The following AK7 variants were observed in gnomAD, a reference collection of about 807,000 sequenced individuals.
AK7 encodes the protein adenylate kinase 7, also known as ATP-AMP transphosphorylase 7.
A neutral mutation model predicts 96.6 loss-of-function variants in AK7; 78 were observed. The ratio of observed to expected loss-of-function variants is 0.81; its 90% CI spans 0.67 to 0.97. The LOEUF is 0.97. Ranked by LOEUF, AK7 falls within the 50% of genes least tolerant of loss-of-function variation. The pLI, the probability that AK7 is intolerant of heterozygous loss-of-function variation, is 0.00. For synonymous variants in AK7, 302 were observed against 317.2 expected (o/e 0.95, Z 0.51); for missense variants, 855 against 887.9 (o/e 0.96, Z 0.47).
rs996305684 is a variant in AK7, at chr14:96,432,181, T to C, written c.610-5654T>C. 1.6e-4 allele frequency among the ~76,000 whole-genome samples: 23 copies of C among 148,138 alleles called. 1 individual carries two copies. Among genetic ancestry groups the C allele is most frequent in the Non-Finnish European group, 6.0e-5 (4 of 67,076 alleles). On this transcript the variant is annotated intron_variant, in intron 5 of 17. Coordinates refer to ENST00000267584, the MANE Select transcript of AK7 (RefSeq NM_152327.5). The stretch of plus-strand genomic sequence containing the variant: ...GTGATGAGAGAGGTAATCCTCTCTC[T>C]CCCCAGGATTGCAACCCCTGCTTTT...
intron 5 of AK7, among the ~76,000 whole-genome samples, chr14:96,426,204 C>T (rs1312067004): frequency 6.6e-6 from 1 of 152,108 alleles, no homozygotes; most frequent in Non-Finnish European, 1.5e-5. Flanking sequence ...TTTGAGGTTA[C>T]AATAAGGCTT....
rs544723971 is a variant in AK7 at position 96,424,188 on chromosome 14, C to T, written c.609+3256C>T. The T allele has an allele frequency of 5.1e-6, 3 of 585,606 alleles. No individual in the cohort carries two copies. In the East Asian group the frequency reaches 1.2e-4, roughly 24 times the overall value. The allele number at this position is 585,606 out of a possible 1,614,324, so 36.3% of individuals were successfully genotyped here. On this transcript the variant is annotated intron_variant, in intron 5 of 17. Coordinates refer to ENST00000267584, the MANE Select transcript of AK7 (RefSeq NM_152327.5). ...GTCCACTTCCTGAAGGCTCCAGGGC[C>T]CGGACCGCTGTCTGAGGTTCACCCG...
intron 12 of AK7, 143 bp from the exon 13 acceptor site, chr14:96,471,335 A>T: frequency 7.8e-5 from 15 of 192,916 alleles, no homozygotes; most frequent in South Asian, 1.6e-4. Flanking sequence ...CGTCTCTTTA[A>T]AAAAAAAAAA....
intron 12 of AK7, among the ~76,000 whole-genome samples, chr14:96,469,249 G>A (rs1894749333): frequency 2.0e-5 from 3 of 152,144 alleles, no homozygotes; most frequent in Admixed American, 1.3e-4. Flanking sequence ...GGCCGGGGGC[G>A]GCGGCTCATT....
At chr14:96,472,950 C>T (rs546114783) in intron 14 of AK7, among the ~76,000 whole-genome samples, 195 bp downstream of exon 14, 5 of 152,050 alleles carry the variant, frequency 3.3e-5, no homozygotes, top group South Asian at 2.1e-4. Context: ...GGTGTCGTAG[C>T]GTGTGCCTGT....
chr14:96,446,199 C>T (rs1480059038), intron 7 of AK7, among the ~76,000 whole-genome samples: 4 of 152,164 alleles, frequency 2.6e-5, no homozygotes, highest in Non-Finnish European at 5.9e-5. Context: ...CTGCTGGGGG[C>T]AGTTCCCCTT....
At position 96,404,794 on chromosome 14, in the gene AK7, AGTGT is replaced by A. The variant is rs768722648; in HGVS notation, c.334_337del (p.Cys112MetfsTer43). ...GAAGACCTTCTCATGCGCCTGCTGG[AGTGT>A]GATGTTATTATTTATAACATCACTG... On this transcript the variant is annotated frameshift_variant, in exon 3 of 18. Transcript: ENST00000267584. LOFTEE classifies it high-confidence loss of function. 3 of 1,610,702 alleles carry A rather than the reference AGTGT, an allele frequency of 1.9e-6. No homozygotes were observed. In the Admixed American group the frequency reaches 5.0e-5, roughly 27 times the overall value.
chr14:96,486,836 T>A, intron 16 of AK7, 62 bp from the exon 17 acceptor site: 1 of 1,475,926 alleles, frequency 6.8e-7, no homozygotes, highest in Non-Finnish European at 9.4e-7. Context: ...TAGGGTGAAC[T>A]GTGTGAGTGT....
chr14:96,429,635 C>T (rs1037725818), intron 5 of AK7, among the ~76,000 whole-genome samples: 4 of 152,124 alleles, frequency 2.6e-5, no homozygotes, highest in African/African-American at 4.8e-5. Flanking sequence ...TCTTTTATTT[C>T]GTTGAGCAGT....
intron 10 of AK7, among the ~76,000 whole-genome samples, chr14:96,455,619 C>G (rs1320267819): frequency 6.6e-6 from 1 of 152,244 alleles, no homozygotes; most frequent in Non-Finnish European, 1.5e-5. Context: ...AAAGGTAGCA[C>G]AATGCCCTGT....
In AK7 at chr14:96,446,614, T is replaced by A; in HGVS notation, c.870+7T>A. ...CCTGGAAGACATAGTCAAGGTACAG[T>A]GGTTTCATCCCATACTTTGATGACA... On this transcript the variant is annotated splice_region_variant and intron_variant, in intron 8 of 17. Transcript: ENST00000267584. 1 of 1,612,262 alleles carries A rather than the reference T, an allele frequency of 6.2e-7. No individual in the cohort carries two copies.
At chr14:96,402,515 T>G (rs1320110595) in intron 2 of AK7, among the ~76,000 whole-genome samples, 1 of 152,230 alleles carries the variant, frequency 6.6e-6, no homozygotes, top group Non-Finnish European at 1.5e-5. Context: ...AATACACATC[T>G]TTGAGTCCTC....
intron 4 of AK7, 35 bp from the exon 5 acceptor site, chr14:96,420,787 C>T: frequency 6.8e-7 from 1 of 1,480,758 alleles, no homozygotes; most frequent in South Asian, 1.2e-5. Flanking sequence ...CTCTAATTCA[C>T]CAAGTCTGTA....
intron 12 of AK7, among the ~76,000 whole-genome samples, chr14:96,460,924 C>T (rs1260757264): frequency 6.6e-6 from 1 of 152,202 alleles, no homozygotes; most frequent in Non-Finnish European, 1.5e-5. Flanking sequence ...TCCACCAGAT[C>T]AACCTAGTTT....
intron 6 of AK7, among the ~76,000 whole-genome samples, chr14:96,440,132 T>C (rs1054013382): frequency 5.9e-5 from 9 of 152,116 alleles, no homozygotes. Flanking sequence ...TGTGCCACCA[T>C]GCCCAGCTAA....
At chr14:96,456,823 G>C (rs912061919) in intron 11 of AK7, 1 of 228,584 alleles carries the variant, frequency 4.4e-6, no homozygotes, top group Admixed American at 5.0e-5. Context: ...AGTTGATGAT[G>C]GCAGAGTGGT....
chr14:96,396,390 G>A (rs1373478383), intron 1 of AK7, among the ~76,000 whole-genome samples: 4 of 152,164 alleles, frequency 2.6e-5, no homozygotes, highest in Admixed American at 2.6e-4. Context: ...ATCCAGTTGG[G>A]CAATGCCACC....
chr14:96,426,135 G>A (rs1344584546), intron 5 of AK7, among the ~76,000 whole-genome samples: 1 of 151,966 alleles, frequency 6.6e-6, no homozygotes, highest in African/African-American at 2.4e-5. Context: ...GATTTTCTCT[G>A]GTGATATGAT....
Position 96,454,393 on chromosome 14 carries a change from A to G in AK7, c.1099-1954A>G, listed in dbSNP as rs139397361. On this transcript the variant is annotated intron_variant, in intron 10 of 17. Transcript: ENST00000267584. ...TATTTACTCATTGATTATGAACACC[A>G]TAGGGCTTCTTTAGCATTCAATCAA... Among the ~76,000 whole-genome samples the G allele has an allele frequency of 2.6e-5, 4 of 152,138 alleles. No homozygotes were observed. In the East Asian group the frequency reaches 7.7e-4, roughly 29 times the overall value.
Sources: allele counts gnomAD v4.1 joint callset (sites outside exome capture counted in the v4.1 genomes callset), GRCh38; gene constraint gnomAD v4.1.1; transcripts MANE v1.5; gene names NCBI Gene and HGNC (gene_info 2026-07-23, HGNC 2026-07-21).